ROR2: variants seen among roughly 807,000 people sequenced by gnomAD.
ROR2 encodes tyrosine-protein kinase transmembrane receptor ROR2.
A neutral mutation model predicts 74.9 loss-of-function variants in ROR2; 33 were observed. The ratio of observed to expected loss-of-function variants is 0.44; its 90% confidence interval spans 0.33 to 0.59. The LOEUF is 0.59. Ranked by LOEUF, ROR2 falls within the 20% of genes least tolerant of loss-of-function variation. ROR2 has a pLI of 0.02. For missense variants in ROR2, 1,216 were observed against 1,313.8 expected, an observed-to-expected ratio of 0.93 and a Z score of 1.15; for synonymous variants, 586 against 558.7, an observed-to-expected ratio of 1.05 and a Z score of -0.69.
chr9:91,819,258 G>A (rs1828052331), intron 1 of ROR2, among the ~76,000 whole-genome samples: 1 of 152,216 alleles, frequency 6.6e-6, no homozygotes, highest in Non-Finnish European at 1.5e-5. Flanking sequence ...TTGTCACTGA[G>A]CTGCTGACCC....
At chr9:91,892,751 G>A (rs371170592) in intron 1 of ROR2, among the ~76,000 whole-genome samples, 8 of 151,544 alleles carry the variant, frequency 5.3e-5, no homozygotes, top group Non-Finnish European at 1.2e-4. Context: ...CACCACACCC[G>A]GCTAATTTTT....
chr9:91,926,443 G>A (rs556116241), intron 1 of ROR2, among the ~76,000 whole-genome samples: 12 of 150,432 alleles, frequency 8.0e-5, no homozygotes, highest in Non-Finnish European at 1.3e-4. Context: ...CTACTCAGGA[G>A]GCTGAAGCTG....
At chr9:91,849,098 G>A (rs375990581) in intron 1 of ROR2, among the ~76,000 whole-genome samples, 9 of 152,236 alleles carry the variant, frequency 5.9e-5, no homozygotes, top group East Asian at 1.9e-4. Context: ...CCCACACTTC[G>A]GAAGTGACTC....
chr9:91,929,767 G>C (rs1831502521), intron 1 of ROR2, among the ~76,000 whole-genome samples: 1 of 152,002 alleles, frequency 6.6e-6, no homozygotes, highest in African/African-American at 2.4e-5. Context: ...GGCACCAAAA[G>C]CCAAAACACA....
chr9:91,818,460 C>G (rs1052626850), intron 1 of ROR2, among the ~76,000 whole-genome samples: 1 of 151,054 alleles, frequency 6.6e-6, no homozygotes, highest in African/African-American at 2.4e-5. Flanking sequence ...CACGCCCCCC[C>G]ACCCCACCAG....
intron 1 of ROR2, among the ~76,000 whole-genome samples, chr9:91,782,953 C>T (rs1458828973): frequency 6.6e-6 from 1 of 152,218 alleles, no homozygotes; most frequent in Non-Finnish European, 1.5e-5. Context: ...GATGGGGCAG[C>T]CTAAACAATG....
chr9:91,856,747 A>G (rs556627108), intron 1 of ROR2, among the ~76,000 whole-genome samples: 2 of 152,318 alleles, frequency 1.3e-5, no homozygotes, highest in South Asian at 4.1e-4. Context: ...GAGCTGACAA[A>G]TACGATGTCC....
chr9:91,837,420 T>C (rs1587768273), intron 1 of ROR2, among the ~76,000 whole-genome samples: 2 of 152,222 alleles, frequency 1.3e-5, no homozygotes, highest in African/African-American at 4.8e-5. Flanking sequence ...TCACATCACA[T>C]CCACTATAAA....
At chr9:91,843,106 T>A (rs771334863) in intron 1 of ROR2, among the ~76,000 whole-genome samples, 5 of 152,194 alleles carry the variant, frequency 3.3e-5, no homozygotes, top group Non-Finnish European at 5.9e-5. Flanking sequence ...TGTGTTTACA[T>A]GCGCAGGAGG....
At chr9:91,822,655 G>C (rs899991516) in intron 1 of ROR2, among the ~76,000 whole-genome samples, 1 of 152,154 alleles carries the variant, frequency 6.6e-6, no homozygotes, top group African/African-American at 2.4e-5. Flanking sequence ...TGAGCAGAAG[G>C]CTGTTTGGGG....
chr9:91,939,195 A>T (rs1441863704), intron 1 of ROR2, among the ~76,000 whole-genome samples: 1 of 152,142 alleles, frequency 6.6e-6, no homozygotes, highest in Non-Finnish European at 1.5e-5. Context: ...GGTTGCAGTG[A>T]GCCAAGATTG....
At chr9:91,741,817 G>C (rs1435597701) in intron 4 of ROR2, among the ~76,000 whole-genome samples, 2 of 152,164 alleles carry the variant, frequency 1.3e-5, no homozygotes, top group Non-Finnish European at 2.9e-5. Context: ...TGGGTGCTCT[G>C]ACAGTAAGCT....
At chr9:91,874,294 GCTC>G (rs1420434524) in intron 1 of ROR2, among the ~76,000 whole-genome samples, 4 of 152,164 alleles carry the variant, frequency 2.6e-5, no homozygotes, top group African/African-American at 7.2e-5. Context: ...CTGCACACTC[GCTC>G]CTCATTTCTG....
chr9:91,945,396 G>A (rs987102911), intron 1 of ROR2, among the ~76,000 whole-genome samples: 5 of 152,180 alleles, frequency 3.3e-5, no homozygotes, highest in Admixed American at 2.6e-4. Context: ...CATTAGGCTA[G>A]GAGTATTTGG....
chr9:91,742,364 A>C (rs940949279), intron 4 of ROR2, among the ~76,000 whole-genome samples: 1 of 152,200 alleles, frequency 6.6e-6, no homozygotes, highest in Non-Finnish European at 1.5e-5. Context: ...GATACAATTC[A>C]AGTTGAGATT....
At chr9:91,936,272 C>CT (rs1402925036) in intron 1 of ROR2, among the ~76,000 whole-genome samples, 1 of 152,212 alleles carries the variant, frequency 6.6e-6, no homozygotes. Context: ...AACTGGGCAG[C>CT]TTAAACAACA....
intron 4 of ROR2, among the ~76,000 whole-genome samples, chr9:91,745,036 G>A (rs1825363496): frequency 6.6e-6 from 1 of 152,222 alleles, no homozygotes; most frequent in South Asian, 2.1e-4. Context: ...CCATGTGTGA[G>A]TGCACATCAA....
At chr9:91,776,222 G>A (rs951578958) in intron 1 of ROR2, among the ~76,000 whole-genome samples, 1 of 152,160 alleles carries the variant, frequency 6.6e-6, no homozygotes, top group Non-Finnish European at 1.5e-5. Context: ...TGGTAACTGG[G>A]TAATAAATTC....
At chr9:91,850,320 T>G (rs907858624) in intron 1 of ROR2, among the ~76,000 whole-genome samples, 2 of 152,216 alleles carry the variant, frequency 1.3e-5, no homozygotes, top group Non-Finnish European at 2.9e-5. Context: ...ATGGCCACAT[T>G]GTAATCCCCA....
Sources: gnomAD v4.1 joint callset for allele counts (sites outside exome capture counted in the v4.1 genomes callset) on GRCh38, gnomAD v4.1.1 for gene constraint, MANE v1.5 for transcripts, NCBI Gene and HGNC (gene_info 2026-07-23, HGNC 2026-07-21) for gene names.